ZNF454: variants seen among roughly 807,000 people sequenced by gnomAD.
ZNF454 encodes zinc finger protein 454.
ZNF454 carries 30 observed loss-of-function variants against 48.2 expected under a neutral mutation model. The observed-to-expected ratio is 0.62, with a 90% CI of 0.47 to 0.84. ZNF454 has a LOEUF of 0.84. ZNF454 is among the 40% of genes least tolerant of loss of function. The pLI is 0.00. For missense variants in ZNF454, 510 were observed against 623.1 expected, an observed-to-expected ratio of 0.82 and a Z score of 1.93; for synonymous variants, 204 against 211.4, an observed-to-expected ratio of 0.97 and a Z score of 0.30.
At chr5:178,975,322 C>T in the ZNF454 span, among the ~76,000 whole-genome samples, 4 of 152,098 alleles carry the variant, frequency 2.6e-5, no homozygotes, top group East Asian at 5.8e-4. Context: ...CAGTGGTGCA[C>T]GTTTGAGAGC....
Position 178,941,280 on chromosome 5 carries a change from C to G in ZNF454, c.-272C>G. On this transcript the variant is annotated 5_prime_UTR_variant, in exon 1 of 5. Transcript: ENST00000519564. The surrounding 1 kb of genome is among the most constrained non-coding windows in gnomAD (Gnocchi z 5.5). ...TCTCTCGCCGCCGGCAGAGGCTCCTCGAAGAGCGACACGGGGCTGACCAGG... is the reference window on the plus strand; with the variant it reads ...TCTCTCGCCGCCGGCAGAGGCTCCTGGAAGAGCGACACGGGGCTGACCAGG... The G allele has an allele frequency of 2.4e-6, 1 of 410,776 alleles. No homozygotes were observed. Among genetic ancestry groups the G allele is most frequent in the Non-Finnish European group, 4.9e-6 (1 of 202,888 alleles). 25.4% of individuals were successfully genotyped at this position (410,776 alleles called of 1,614,324 possible).
chr5:178,959,895 GT>G (rs1326528396), intron 4 of ZNF454, among the ~76,000 whole-genome samples: 1 of 150,720 alleles, frequency 6.6e-6, no homozygotes, highest in East Asian at 2.2e-4. Context: ...ATGAGCCACC[GT>G]GCCCGGCCCC....
Position 178,965,324 on chromosome 5 carries a change from A to G in ZNF454, c.920A>G (p.Lys307Arg). The G allele has an allele frequency of 6.2e-7, 1 of 1,614,238 alleles. No individual in the cohort carries two copies. Among genetic ancestry groups the G allele is most frequent in the Non-Finnish European group, 8.5e-7 (1 of 1,180,044 alleles). ...CCTTTTAAATGTAACATTTGTGAAA[A>G]AGCCTTTGTGTGCAGGGCACACCTT... ...EKPFKCNICE[K>R]AFVCRAHLTK... The change falls in exon 5 of 5, where the codon AAA (lysine) becomes AGA (arginine). Residue 307 changes from lysine (K) to arginine (R), a missense_variant. By Grantham distance (26) the Lys-to-Arg change is conservative (BLOSUM62 2). Coordinates refer to ENST00000519564, the MANE Select transcript of ZNF454 (RefSeq NM_001178089.3). This position sits in a 1 kb window ranked among gnomAD's most constrained non-coding sequence, Gnocchi z 5.2.
chr5:178,986,436 G>C, the ZNF454 span: 1 of 1,613,416 alleles, frequency 6.2e-7, no homozygotes, highest in Non-Finnish European at 8.5e-7. Flanking sequence ...ACCGCACGAA[G>C]GTGGCCACCA....
At chr5:178,945,137 C>T (rs555457338) in intron 2 of ZNF454, among the ~76,000 whole-genome samples, 16 of 107,726 alleles carry the variant, frequency 1.5e-4, no homozygotes, top group African/African-American at 5.8e-4. Flanking sequence ...GCGTGTGTGT[C>T]GTGTGTGTGT....
intron 4 of ZNF454, among the ~76,000 whole-genome samples, chr5:178,955,367 A>G (rs1302644768): frequency 6.6e-6 from 1 of 152,218 alleles, no homozygotes; most frequent in African/African-American, 2.4e-5. Flanking sequence ...AGGTTGAGGA[A>G]GTTTATGCCC....
chr5:178,973,700 C>T, the ZNF454 span, among the ~76,000 whole-genome samples: 3 of 151,962 alleles, frequency 2.0e-5, no homozygotes, highest in Non-Finnish European at 4.4e-5. Flanking sequence ...AAAAATTAGC[C>T]GGTGTGGTGG....
intron 4 of ZNF454, among the ~76,000 whole-genome samples, chr5:178,955,818 T>C (rs1363927646): frequency 2.6e-5 from 4 of 152,230 alleles, no homozygotes; most frequent in Non-Finnish European, 2.9e-5. Flanking sequence ...TGTGGGACAG[T>C]TTTAAACTGC....
chr5:178,965,950 A>C lies in ZNF454; in HGVS notation c.1546A>C (p.Arg516=). ...NQTANLIQHQ[R]HHIGEK ...GACTGCAAACCTCATTCAGCATCAG[A>C]GACATCATATTGGAGAGAAGTGATA... The change falls in exon 5 of 5, where the codon AGA becomes CGA. Residue 516 remains arginine, a synonymous_variant. Coordinates refer to ENST00000519564, the MANE Select transcript of ZNF454 (RefSeq NM_001178089.3). This position sits in a 1 kb window ranked among gnomAD's most constrained non-coding sequence, Gnocchi z 5.2. The C allele has an allele frequency of 6.3e-7, 1 of 1,589,456 alleles. No homozygotes were observed. The highest frequency in any genetic ancestry group is 8.6e-7 in the Non-Finnish European group (1 of 1,169,400).
chr5:178,983,838 G>A, the ZNF454 span, among the ~76,000 whole-genome samples: 32,227 of 152,134 alleles, frequency 0.21, 4,021 homozygotes, highest in Non-Finnish European at 0.28. Flanking sequence ...GAACAGGAAC[G>A]AAGCCACCTG....
At chr5:178,974,697 T>C in the ZNF454 span, among the ~76,000 whole-genome samples, 2 of 152,202 alleles carry the variant, frequency 1.3e-5, no homozygotes, top group African/African-American at 4.8e-5. Flanking sequence ...CACTGTGCAT[T>C]GTTCCTACAT....
the ZNF454 span, chr5:178,975,817 A>C: frequency 1.8e-5 from 6 of 331,732 alleles, no homozygotes; most frequent in African/African-American, 1.3e-4. Context: ...TAACCTCTAC[A>C]ATCAGCTGAC....
chr5:178,983,657 A>C, the ZNF454 span: 1 of 332,204 alleles, frequency 3.0e-6, no homozygotes, highest in Non-Finnish European at 6.0e-6. Context: ...GAGCTTCAAA[A>C]TCAGGGCACG....
At chr5:178,975,667 A>T in the ZNF454 span, 1 of 406,352 alleles carries the variant, frequency 2.5e-6, no homozygotes. Flanking sequence ...CTTGGCCTAC[A>T]GGGCCACACA....
chr5:178,987,467 C>A, the ZNF454 span: 13 of 456,616 alleles, frequency 2.8e-5, no homozygotes, highest in Non-Finnish European at 5.7e-5. Context: ...CAATGGGATG[C>A]GATTCAGCCT....
At chr5:178,980,490 T>A in the ZNF454 span, 3 of 154,452 alleles carry the variant, frequency 1.9e-5, no homozygotes, top group Admixed American at 2.0e-4. The surrounding 1 kb of genome is among the most constrained non-coding windows in gnomAD (Gnocchi z 4.3). Context: ...GCCATGACTC[T>A]CTGTCACTGC....
At chr5:178,981,907 C>G in the ZNF454 span, 62 of 1,083,384 alleles carry the variant, frequency 5.7e-5, no homozygotes, top group Admixed American at 5.1e-4. This position sits in a 1 kb window ranked among gnomAD's most constrained non-coding sequence, Gnocchi z 5.1. Flanking sequence ...CTCCCTGCCC[C>G]GCTCCACACA....
downstream of ZNF454, among the ~76,000 whole-genome samples, chr5:178,966,656 G>C (rs1269285789): frequency 1.3e-5 from 2 of 151,768 alleles, no homozygotes; most frequent in Non-Finnish European, 2.9e-5. Flanking sequence ...AGGTAAAATG[G>C]CCTACGAGCG....
At chr5:178,969,388 A>G (rs1257114988), downstream of ZNF454, 1 of 447,334 alleles carries the variant, frequency 2.2e-6, no homozygotes, top group Non-Finnish European at 4.5e-6. Context: ...TCTGTGCCCC[A>G]CCTTCAGCTG....
Sources: allele counts gnomAD v4.1 joint callset (sites outside exome capture counted in the v4.1 genomes callset), GRCh38; gene constraint gnomAD v4.1.1; non-coding constraint Gnocchi (gnomAD v3.1); transcripts MANE v1.5; gene names NCBI Gene and HGNC (gene_info 2026-07-23, HGNC 2026-07-21).